The following NTRK3 variants were observed in gnomAD, a reference collection of about 807,000 sequenced individuals.
NTRK3 encodes neurotrophic receptor tyrosine kinase 3.
NTRK3 carries 24 observed loss-of-function variants against 91.7 expected under a neutral mutation model. The observed-to-expected ratio is 0.26, with a 90% CI of 0.19 to 0.37. NTRK3 has a LOEUF of 0.37. NTRK3 is among the 10% of genes least tolerant of loss of function. NTRK3 has a pLI of 1.00. For synonymous variants in NTRK3, 483 were observed against 404.0 expected, an observed-to-expected ratio of 1.20 and a Z score of -2.34; for missense variants, 880 against 1,068.9, an observed-to-expected ratio of 0.82 and a Z score of 2.46.
chr15:87,885,046 C>T (rs775163682), intron 17 of NTRK3, among the ~76,000 whole-genome samples: 1 of 151,810 alleles, frequency 6.6e-6, no homozygotes, highest in Non-Finnish European at 1.5e-5. Flanking sequence ...GCAGTTAGAA[C>T]CATTATATGA....
intron 13 of NTRK3, among the ~76,000 whole-genome samples, chr15:88,119,176 C>A (rs1334399079): frequency 6.6e-6 from 1 of 152,084 alleles, no homozygotes; most frequent in Non-Finnish European, 1.5e-5. Context: ...TGCACCCCTG[C>A]AAAGCTCCCA....
chr15:88,106,366 T>G (rs2050709631), intron 13 of NTRK3, among the ~76,000 whole-genome samples: 1 of 152,234 alleles, frequency 6.6e-6, no homozygotes, highest in Non-Finnish European at 1.5e-5. Context: ...CATTCACATT[T>G]TATAAATGCA....
intron 17 of NTRK3, among the ~76,000 whole-genome samples, chr15:87,925,025 A>T (rs1367556916): frequency 6.6e-6 from 1 of 152,168 alleles, no homozygotes; most frequent in Non-Finnish European, 1.5e-5. Context: ...CTTTAATACT[A>T]GATTTGACTA....
intron 14 of NTRK3, among the ~76,000 whole-genome samples, chr15:87,999,807 A>C (rs995948316): frequency 6.6e-6 from 1 of 152,246 alleles, no homozygotes; most frequent in African/African-American, 2.4e-5. Flanking sequence ...AATGATTCTT[A>C]TCAAAGAGGG....
chr15:88,209,342 GGTGTAT>G (rs1220305415), intron 3 of NTRK3, among the ~76,000 whole-genome samples: 1 of 152,206 alleles, frequency 6.6e-6, no homozygotes, highest in Non-Finnish European at 1.5e-5. Context: ...TGATAAGGAA[GGTGTAT>G]GCACAAAGAA....
rs529182543 is a variant in NTRK3, at chr15:87,887,916, G to A, written c.2134-7488C>T. Among the ~76,000 whole-genome samples the A allele has an allele frequency of 3.9e-5, 6 of 152,236 alleles. No homozygotes were observed. The South Asian group carries it at 1.0e-3, about 26-fold the overall frequency. ...AGATAGGGTACCTTGCCCAAGCACT[G>A]CATAAGAAATATTAGCTACTGACCC... On this transcript the variant is annotated intron_variant, in intron 17 of 18. Transcript: ENST00000394480.
intron 17 of NTRK3, among the ~76,000 whole-genome samples, chr15:87,909,422 T>C (rs1040493694): frequency 6.6e-6 from 1 of 152,180 alleles, no homozygotes; most frequent in Non-Finnish European, 1.5e-5. Context: ...AGCACTGGAA[T>C]GACCTGGAGG....
intron 13 of NTRK3, among the ~76,000 whole-genome samples, chr15:88,036,576 TTAGTATCA>T (rs988708841): frequency 1.5e-4 from 23 of 152,240 alleles, no homozygotes; most frequent in African/African-American, 5.5e-4. Context: ...AGCTGGGGAT[TTAGTATCA>T]TAGAGAGGCA....
intron 13 of NTRK3, among the ~76,000 whole-genome samples, chr15:88,121,478 TTTAA>T (rs1242466792): frequency 6.6e-6 from 1 of 152,238 alleles, no homozygotes; most frequent in Non-Finnish European, 1.5e-5. Context: ...GTCATGATCT[TTTAA>T]TGCCTAATTT....
At chr15:87,871,390 A>G (rs1370600836) in exon 19 of NTRK3, 3 of 230,760 alleles carry the variant, frequency 1.3e-5, no homozygotes, top group Non-Finnish European at 2.6e-5. Context: ...CACCACACCT[A>G]CTATGGTCAG....
At chr15:88,104,763 A>C (rs757831025) in intron 13 of NTRK3, among the ~76,000 whole-genome samples, 1 of 152,236 alleles carries the variant, frequency 6.6e-6, no homozygotes, top group Non-Finnish European at 1.5e-5. Context: ...AGGAGAAGGC[A>C]TTCCTAAACA....
intron 5 of NTRK3, among the ~76,000 whole-genome samples, chr15:88,166,347 G>A (rs898894600): frequency 2.0e-5 from 3 of 152,222 alleles, no homozygotes; most frequent in Non-Finnish European, 4.4e-5. Context: ...CAAACAGAGC[G>A]CAGGCCACCT....
At chr15:87,971,195 C>T (rs964362492) in intron 14 of NTRK3, among the ~76,000 whole-genome samples, 1 of 152,194 alleles carries the variant, frequency 6.6e-6, no homozygotes, top group Non-Finnish European at 1.5e-5. Context: ...GCCTCCCCTG[C>T]TGCCCACTGA....
At chr15:88,111,931 G>T (rs145978863) in intron 13 of NTRK3, among the ~76,000 whole-genome samples, 198 of 145,866 alleles carry the variant, frequency 1.4e-3, no homozygotes, top group African/African-American at 4.8e-3. Flanking sequence ...GAGACAGACA[G>T]AGTCTCACTC....
intron 13 of NTRK3, among the ~76,000 whole-genome samples, chr15:88,115,515 A>C (rs1192787398): frequency 6.6e-6 from 1 of 152,218 alleles, no homozygotes; most frequent in East Asian, 1.9e-4. Context: ...CTTCATGTCA[A>C]GGCCTGCTGG....
intron 5 of NTRK3, among the ~76,000 whole-genome samples, chr15:88,175,796 T>C (rs1311619889): frequency 1.3e-5 from 2 of 152,230 alleles, no homozygotes; most frequent in African/African-American, 4.8e-5. Flanking sequence ...GGCATAGATA[T>C]GTTAAGTAAC....
chr15:88,092,952 T>A (rs1333493403), intron 13 of NTRK3, among the ~76,000 whole-genome samples: 3 of 151,768 alleles, frequency 2.0e-5, no homozygotes. Flanking sequence ...ATCCTTAACT[T>A]AATCACATCT....
At position 88,065,532 on chromosome 15, in the gene NTRK3, G is replaced by A. The variant is rs912248460; in HGVS notation, c.1397-32487C>T. 7.2e-5 allele frequency among the ~76,000 whole-genome samples: 11 copies of A among 152,034 alleles called. No homozygotes were observed. In the South Asian group the frequency reaches 8.3e-4, roughly 12 times the overall value. On this transcript the variant is annotated intron_variant, in intron 13 of 18. Transcript: ENST00000394480. Reference sequence around the variant, plus strand: ...AGGGAGGGGTGTTCCACACAGCCAGGACTGGGCAGATACCCCAGAATATTG... The same window carrying A: ...AGGGAGGGGTGTTCCACACAGCCAGAACTGGGCAGATACCCCAGAATATTG...
intron 18 of NTRK3, among the ~76,000 whole-genome samples, chr15:87,878,123 C>T (rs1323219064): frequency 6.6e-6 from 1 of 152,206 alleles, no homozygotes; most frequent in Non-Finnish European, 1.5e-5. Flanking sequence ...AACTCTACCA[C>T]TGCATAACTT....
Sources: allele counts gnomAD v4.1 joint callset (sites outside exome capture counted in the v4.1 genomes callset), GRCh38; gene constraint gnomAD v4.1.1; transcripts MANE v1.5; gene names NCBI Gene and HGNC (gene_info 2026-07-23, HGNC 2026-07-21).